OLFM3: variants seen among roughly 807,000 people sequenced by gnomAD.
OLFM3 encodes olfactomedin 3.
In OLFM3, 20 loss-of-function variants were observed where a neutral mutation model predicts 48.6. The ratio of observed to expected loss-of-function variants is 0.41; its 90% CI spans 0.29 to 0.60. The LOEUF is 0.60. Among genes scored for constraint, OLFM3 ranks in the 20% least tolerant of loss-of-function variants. OLFM3 has a pLI of 0.28. For synonymous variants in OLFM3, 222 were observed against 198.1 expected, an observed-to-expected ratio of 1.12 and a Z score of -1.01; for missense variants, 437 against 544.3, an observed-to-expected ratio of 0.80 and a Z score of 1.96.
chr1:101,927,006 C>CA (rs1659292893), intron 1 of OLFM3, among the ~76,000 whole-genome samples: 1 of 152,130 alleles, frequency 6.6e-6, no homozygotes, highest in Admixed American at 6.6e-5. Context: ...ATGAATGATG[C>CA]AGCGCTTCTA....
chr1:101,817,958 T>C (rs1380741678), intron 4 of OLFM3, among the ~76,000 whole-genome samples: 1 of 152,100 alleles, frequency 6.6e-6, no homozygotes, highest in Non-Finnish European at 1.5e-5. Flanking sequence ...AATGGATATT[T>C]AAAATGTTGT....
chr1:101,825,675 T>C lies in OLFM3; in HGVS notation c.373-430A>G, dbSNP rs149752961. Among the ~76,000 whole-genome samples, 239 of 152,302 alleles carry C rather than the reference T, an allele frequency of 1.6e-3. 3 individuals are homozygous for C. In the East Asian group the frequency reaches 0.021, roughly 14 times the overall value. On this transcript the variant is annotated intron_variant, in intron 3 of 5. Coordinates refer to ENST00000370103, the MANE Select transcript of OLFM3 (RefSeq NM_058170.4). ...AAAATAGGTCAATACCCTATGATTG[T>C]TCAGTTGAGTCTAATCATCCACCTA...
At chr1:101,928,189 A>C (rs552245571) in intron 1 of OLFM3, among the ~76,000 whole-genome samples, 107 of 152,246 alleles carry the variant, frequency 7.0e-4, no homozygotes, top group African/African-American at 2.5e-3. Context: ...GAACATTTGC[A>C]TTGTTAGACT....
intron 1 of OLFM3, among the ~76,000 whole-genome samples, chr1:101,900,790 A>G (rs111423900): frequency 0.022 from 3,331 of 152,240 alleles, 57 homozygotes; most frequent in Middle Eastern, 0.034. Flanking sequence ...AGACATGAAA[A>G]TGGGTGGCTA....
intron 1 of OLFM3, among the ~76,000 whole-genome samples, chr1:101,856,245 G>A (rs1656403919): frequency 6.6e-6 from 1 of 151,844 alleles, no homozygotes; most frequent in Non-Finnish European, 1.5e-5. Flanking sequence ...AATAAGTCAG[G>A]CACTATTTAT....
rs531944130 is a variant in OLFM3, at chr1:101,952,768, T to G, written c.69+43980A>C. The stretch of plus-strand genomic sequence containing the variant: ...TCATTTATTTATTCACACAAAGGCT[T>G]TGGAGCTAACAGTAACAAGATCTTC... On this transcript the variant is annotated intron_variant, in intron 1 of 5. Coordinates refer to ENST00000370103, the MANE Select transcript of OLFM3 (RefSeq NM_058170.4). Among the ~76,000 whole-genome samples the G allele has an allele frequency of 2.0e-5, 3 of 152,192 alleles. No homozygotes were observed. The South Asian group carries it at 6.2e-4, about 32-fold the overall frequency.
intron 1 of OLFM3, among the ~76,000 whole-genome samples, chr1:101,865,750 TG>T (rs2100969549): frequency 6.6e-6 from 1 of 152,330 alleles, no homozygotes; most frequent in South Asian, 2.1e-4. Context: ...AGTCTGGTAA[TG>T]CCCACACCGG....
At chr1:101,852,142 TGCAAA>T (rs1471332694) in intron 1 of OLFM3, among the ~76,000 whole-genome samples, 6 of 152,052 alleles carry the variant, frequency 3.9e-5, no homozygotes, top group African/African-American at 1.2e-4. Flanking sequence ...CTACTTTAAA[TGCAAA>T]CAAACAAACT....
At chr1:101,895,433 AC>A (rs1658161297) in intron 1 of OLFM3, among the ~76,000 whole-genome samples, 3 of 151,826 alleles carry the variant, frequency 2.0e-5, no homozygotes, top group Admixed American at 6.6e-5. Context: ...ACACACACAC[AC>A]ACACACACAC....
chr1:101,895,102 A>G (rs954639459), intron 1 of OLFM3, among the ~76,000 whole-genome samples: 1 of 152,106 alleles, frequency 6.6e-6, no homozygotes, highest in Admixed American at 6.5e-5. Context: ...TAGGTTTAAC[A>G]TCTTTATTTT....
chr1:101,961,283 G>A (rs187907825), intron 1 of OLFM3, among the ~76,000 whole-genome samples: 1 of 151,994 alleles, frequency 6.6e-6, no homozygotes, highest in East Asian at 1.9e-4. Flanking sequence ...CATTTAATTT[G>A]TAAATGGAAA....
intron 1 of OLFM3, among the ~76,000 whole-genome samples, chr1:101,983,887 T>C (rs538585298): frequency 6.3e-4 from 96 of 152,318 alleles, no homozygotes; most frequent in Non-Finnish European, 1.1e-3. Context: ...GACTTGCCAT[T>C]GCCTTTGGTA....
In OLFM3 at chr1:101,804,636, T is replaced by C. The variant is rs1364490845; in HGVS notation, c.979A>G (p.Ile327Val). ...CCGATTTCATCAGCCATTAGGTCGATGTCAGAGAATCCACCCCATGTGTAG... is the reference window on the plus strand; with the variant it reads ...CCGATTTCATCAGCCATTAGGTCGACGTCAGAGAATCCACCCCATGTGTAG... ...YPYTWGGFSD[I>V]DLMADEIGLW... Residue 327 changes from isoleucine to valine, a missense_variant, in exon 6 of 6, where the codon ATC (isoleucine) becomes GTC (valine). Transcript: ENST00000370103. This position sits in a 1 kb window ranked among gnomAD's most constrained non-coding sequence, Gnocchi z 4.5. The C allele has an allele frequency of 1.2e-6, 2 of 1,612,654 alleles. No individual in the cohort carries two copies. Among genetic ancestry groups the C allele is most frequent in the African/African-American group, 1.3e-5 (1 of 74,898 alleles).
chr1:101,910,919 T>C (rs900395574), intron 1 of OLFM3, among the ~76,000 whole-genome samples: 5 of 152,326 alleles, frequency 3.3e-5, no homozygotes, highest in East Asian at 3.9e-4. Flanking sequence ...AGTAATTCTT[T>C]TGGGAAACTG....
At chr1:101,992,175 T>C (rs1032314830) in intron 1 of OLFM3, among the ~76,000 whole-genome samples, 1 of 152,028 alleles carries the variant, frequency 6.6e-6, no homozygotes, top group African/African-American at 2.4e-5. Context: ...CTGCTTTCCC[T>C]CCCAACAGAG....
In OLFM3 at chr1:101,821,576, A is replaced by G. The variant is rs145296697; in HGVS notation, c.592+3450T>C. Among the ~76,000 whole-genome samples the G allele has an allele frequency of 3.3e-3, 496 of 152,190 alleles. 2 individuals are homozygous for G. Among genetic ancestry groups the G allele is most frequent in the African/African-American group, 0.011 (468 of 41,556 alleles). ...ATCCTCTTTGCTCAGGAGATGCTCA[A>G]TAAGTGGTTAATTGACCTAAACATG... On this transcript the variant is annotated intron_variant, in intron 4 of 5. Transcript: ENST00000370103.
intron 1 of OLFM3, among the ~76,000 whole-genome samples, chr1:101,917,505 C>T (rs537481846): frequency 2.6e-3 from 129 of 49,726 alleles, no homozygotes; most frequent in African/African-American, 8.6e-3. Context: ...CAACCTCTGC[C>T]TCTCAGGTTC....
intron 1 of OLFM3, among the ~76,000 whole-genome samples, chr1:101,935,108 A>G (rs938861896): frequency 5.3e-5 from 8 of 152,228 alleles, no homozygotes; most frequent in Admixed American, 2.6e-4. Context: ...AAGACAAGAA[A>G]AAACCAAAAT....
chr1:101,875,389 G>GTTAA (rs1457265283), intron 1 of OLFM3, among the ~76,000 whole-genome samples: 1 of 151,882 alleles, frequency 6.6e-6, no homozygotes, highest in Non-Finnish European at 1.5e-5. Flanking sequence ...TTAGTATAAT[G>GTTAA]TTAATTAGTA....
Sources: gnomAD v4.1 joint callset for allele counts (sites outside exome capture counted in the v4.1 genomes callset) on GRCh38, gnomAD v4.1.1 for gene constraint, Gnocchi (gnomAD v3.1) non-coding constraint, MANE v1.5 for transcripts, NCBI Gene and HGNC (gene_info 2026-07-23, HGNC 2026-07-21) for gene names.